Variants in BBX observed in about 807,000 individuals in gnomAD.
The protein encoded by BBX is BBX high mobility group box domain containing, also known as HMG box transcription factor BBX.
Under a neutral mutation model 100.2 loss-of-function variants are expected in BBX, and 30 were observed. That is an observed-to-expected ratio of 0.30 (90% CI 0.22 to 0.41). BBX has a LOEUF of 0.41. Ranked by LOEUF, BBX falls within the 10% of genes least tolerant of loss-of-function variation. The pLI is 1.00. For synonymous variants in BBX, 376 were observed against 388.1 expected, an observed-to-expected ratio of 0.97 and a Z score of 0.37; for missense variants, 1,023 against 1,129.8, an observed-to-expected ratio of 0.91 and a Z score of 1.35.
At chr3:107,688,633 C>T (rs1275897140) in intron 3 of BBX, among the ~76,000 whole-genome samples, 1 of 152,166 alleles carries the variant, frequency 6.6e-6, no homozygotes, top group East Asian at 1.9e-4. Context: ...ATTTGGACCA[C>T]ATTTGTTGCA....
At chr3:107,556,190 A>G (rs2050084254) in intron 2 of BBX, among the ~76,000 whole-genome samples, 1 of 152,188 alleles carries the variant, frequency 6.6e-6, no homozygotes, top group Non-Finnish European at 1.5e-5. Flanking sequence ...AGGTTCTTCC[A>G]AGACACTAGG....
chr3:107,526,546 T>A (rs2047791000), intron 2 of BBX, 148 bp downstream of exon 2: 3 of 394,116 alleles, frequency 7.6e-6, no homozygotes, highest in Non-Finnish European at 1.3e-5. Flanking sequence ...CATAAGTCAG[T>A]TTATGATTCT....
intron 7 of BBX, among the ~76,000 whole-genome samples, chr3:107,736,747 TACA>T (rs989529705): frequency 6.6e-6 from 1 of 152,120 alleles, no homozygotes; most frequent in African/African-American, 2.4e-5. Context: ...ATGTCATGTA[TACA>T]ACAACTTGGA....
intron 1 of BBX, chr3:107,524,614 A>AGGGGGGGG (rs35467685): frequency 1.9e-5 from 1 of 53,914 alleles, no homozygotes; most frequent in Non-Finnish European, 3.4e-5. Flanking sequence ...TGTACGACAG[A>AGGGGGGGG]GGGGGGGGGG....
chr3:107,783,068 A>C (rs1473065001), intron 13 of BBX, among the ~76,000 whole-genome samples: 4 of 152,090 alleles, frequency 2.6e-5, no homozygotes, highest in African/African-American at 9.7e-5. Context: ...TGTAATAGTA[A>C]ATTTCCTTAT....
chr3:107,733,689 C>T (rs2063464083), intron 7 of BBX, among the ~76,000 whole-genome samples: 1 of 152,058 alleles, frequency 6.6e-6, no homozygotes, highest in Non-Finnish European at 1.5e-5. Flanking sequence ...GTTGCTCAGA[C>T]TGGTTTCGAA....
intron 2 of BBX, among the ~76,000 whole-genome samples, chr3:107,610,138 G>A (rs2054734948): frequency 6.6e-6 from 1 of 151,934 alleles, no homozygotes; most frequent in Non-Finnish European, 1.5e-5. Context: ...TGACCCACTT[G>A]TCATTCAAGA....
chr3:107,792,472 T>C lies in BBX; in HGVS notation c.2353+1173T>C, dbSNP rs149919174. On this transcript the variant is annotated intron_variant, in intron 15 of 17. Coordinates refer to ENST00000325805, the MANE Select transcript of BBX (RefSeq NM_001142568.3). The stretch of plus-strand genomic sequence containing the variant: ...GAAATATTCATGTTTTTAAGATAGC[T>C]AGCAAAAATGGTCAAGTTTGAGTTC... 2.0e-5 allele frequency among the ~76,000 whole-genome samples: 3 copies of C among 152,362 alleles called. No homozygotes were observed. The East Asian group carries it at 5.8e-4, about 29-fold the overall frequency.
At chr3:107,714,137 G>A (rs1360766841) in intron 4 of BBX, among the ~76,000 whole-genome samples, 1 of 151,398 alleles carries the variant, frequency 6.6e-6, no homozygotes, top group Admixed American at 6.6e-5. Context: ...CACCACTCCT[G>A]GCTAACTTTT....
At chr3:107,634,696 T>C (rs2056750217) in intron 2 of BBX, among the ~76,000 whole-genome samples, 1 of 152,206 alleles carries the variant, frequency 6.6e-6, no homozygotes, top group African/African-American at 2.4e-5. Context: ...AATAGAATAA[T>C]TGAAGTTTGC....
intron 17 of BBX, among the ~76,000 whole-genome samples, chr3:107,803,148 A>T (rs2070703747): frequency 6.6e-6 from 1 of 152,252 alleles, no homozygotes; most frequent in African/African-American, 2.4e-5. Flanking sequence ...TTTCTGAAGT[A>T]TGACTGCCTA....
intron 4 of BBX, among the ~76,000 whole-genome samples, chr3:107,712,902 T>C (rs914354724): frequency 2.0e-5 from 3 of 151,996 alleles, no homozygotes; most frequent in African/African-American, 7.2e-5. Flanking sequence ...AGTCATTGAG[T>C]CCTCTTCTCT....
intron 3 of BBX, among the ~76,000 whole-genome samples, chr3:107,690,071 C>G (rs1157567174): frequency 6.6e-6 from 1 of 151,992 alleles, no homozygotes; most frequent in Non-Finnish European, 1.5e-5. Flanking sequence ...AATGGCAGTA[C>G]TAGCTTTTTG....
At chr3:107,660,505 T>TAA (rs34604623) in intron 3 of BBX, among the ~76,000 whole-genome samples, 8 of 101,274 alleles carry the variant, frequency 7.9e-5, no homozygotes, top group Non-Finnish European at 1.0e-4. Context: ...CAAAAAGCAT[T>TAA]AAAAAAAAAA....
chr3:107,590,681 A>C (rs930337255), intron 2 of BBX, among the ~76,000 whole-genome samples: 3 of 152,182 alleles, frequency 2.0e-5, no homozygotes, highest in Non-Finnish European at 4.4e-5. Context: ...TCTTTAAATT[A>C]CTTTAAAGTT....
chr3:107,629,104 C>G (rs958155076), intron 2 of BBX, among the ~76,000 whole-genome samples: 1 of 152,102 alleles, frequency 6.6e-6, no homozygotes, highest in African/African-American at 2.4e-5. Context: ...ATTTGGGTCT[C>G]TTTGTACTCA....
At chr3:107,715,830 ATGAT>A (rs1261731248) in intron 4 of BBX, among the ~76,000 whole-genome samples, 1 of 152,234 alleles carries the variant, frequency 6.6e-6, no homozygotes, top group Non-Finnish European at 1.5e-5. Flanking sequence ...ACCTTGAACA[ATGAT>A]TGAATGAAGT....
chr3:107,589,225 T>C (rs2053096918), intron 2 of BBX, among the ~76,000 whole-genome samples: 2 of 152,232 alleles, frequency 1.3e-5, no homozygotes, highest in South Asian at 2.1e-4. Context: ...TGAGTAAGTA[T>C]CTTTTGAACA....
At chr3:107,801,427 A>G (rs2108035918) in intron 17 of BBX, 146 bp downstream of exon 17, 1 of 820,446 alleles carries the variant, frequency 1.2e-6, no homozygotes, top group Non-Finnish European at 1.9e-6. Context: ...AAAAGCATAT[A>G]TGCTAATTAG....
Sources: gnomAD v4.1 joint callset for allele counts (sites outside exome capture counted in the v4.1 genomes callset) on GRCh38, gnomAD v4.1.1 for gene constraint, MANE v1.5 for transcripts, NCBI Gene and HGNC (gene_info 2026-07-23, HGNC 2026-07-21) for gene names.